Variants in DLGAP2 observed in about 807,000 individuals in gnomAD.
DLGAP2 encodes the protein disks large-associated protein 2.
In DLGAP2, 26 loss-of-function variants were observed where a neutral mutation model predicts 100.3. That is an observed-to-expected ratio of 0.26 (90% CI 0.19 to 0.36). The LOEUF is 0.36. DLGAP2 is among the 10% of genes least tolerant of loss of function. DLGAP2 has a pLI of 1.00. For synonymous variants in DLGAP2, 886 were observed against 630.1 expected, an observed-to-expected ratio of 1.41 and a Z score of -6.08; for missense variants, 1,858 against 1,453.2, an observed-to-expected ratio of 1.28 and a Z score of -4.53.
intron 3 of DLGAP2, among the ~76,000 whole-genome samples, chr8:1,362,335 A>C (rs1178702822): frequency 6.6e-6 from 1 of 151,962 alleles, no homozygotes; most frequent in Admixed American, 6.5e-5. Context: ...AGGTCCTGCC[A>C]CTTACAGCTC....
At chr8:1,302,165 T>A (rs1409636646) in intron 3 of DLGAP2, 1 of 152,060 alleles carries the variant, frequency 6.6e-6, no homozygotes, top group Non-Finnish European at 1.5e-5. Context: ...TTCTGTGAGT[T>A]CCCGAGCTCT....
chr8:922,423 T>C (rs1004589748), intron 2 of DLGAP2, among the ~76,000 whole-genome samples: 7 of 152,202 alleles, frequency 4.6e-5, no homozygotes, highest in African/African-American at 1.7e-4. Context: ...GCCCCCAAAA[T>C]TTAAAAGTAA....
chr8:868,443 A>G (rs918151483), intron 1 of DLGAP2, among the ~76,000 whole-genome samples: 9 of 152,220 alleles, frequency 5.9e-5, no homozygotes, highest in African/African-American at 1.9e-4. Context: ...TCACAGAAAC[A>G]TCTCGCTGTG....
At chr8:1,011,380 CAGTG>C in intron 2 of DLGAP2, among the ~76,000 whole-genome samples, 1 of 147,574 alleles carries the variant, frequency 6.8e-6, no homozygotes, top group South Asian at 2.2e-4. Flanking sequence ...TCAGTCTACA[CAGTG>C]AGCCCTAGAA....
chr8:1,196,182 T>A (rs892779501), intron 2 of DLGAP2, among the ~76,000 whole-genome samples: 2 of 152,258 alleles, frequency 1.3e-5, no homozygotes, highest in African/African-American at 4.8e-5. Flanking sequence ...GACCCTACTT[T>A]CATGTTATGT....
At chr8:1,044,613 A>G (rs915756564) in intron 2 of DLGAP2, among the ~76,000 whole-genome samples, 1 of 152,212 alleles carries the variant, frequency 6.6e-6, no homozygotes, top group Non-Finnish European at 1.5e-5. Flanking sequence ...TTTCTCCCGC[A>G]TGTATCCCAG....
chr8:1,362,993 C>T (rs886886937), intron 3 of DLGAP2, among the ~76,000 whole-genome samples: 1 of 152,196 alleles, frequency 6.6e-6, no homozygotes, highest in African/African-American at 2.4e-5. Flanking sequence ...TGGAGGAAGC[C>T]ACATCTCAGC....
At chr8:1,252,832 G>A (rs12676186) in intron 2 of DLGAP2, among the ~76,000 whole-genome samples, 103,975 of 152,168 alleles carry the variant, frequency 0.68, 36,336 homozygotes, top group Middle Eastern at 0.77. Context: ...GGATCCTGCC[G>A]TGTGCTCGGA....
chr8:892,081 T>G (rs1326746495), intron 1 of DLGAP2, among the ~76,000 whole-genome samples: 1 of 152,156 alleles, frequency 6.6e-6, no homozygotes, highest in African/African-American at 2.4e-5. Context: ...GTGGAGGAAT[T>G]GGGTCCTGGG....
intron 3 of DLGAP2, chr8:1,262,674 C>T (rs984128110): frequency 2.6e-5 from 4 of 152,174 alleles, no homozygotes; most frequent in East Asian, 1.9e-4. Context: ...TAGATAAAGG[C>T]AGTAACCAGT....
chr8:1,027,970 T>C (rs533082857), intron 2 of DLGAP2, among the ~76,000 whole-genome samples: 1,018 of 61,318 alleles, frequency 0.017, no homozygotes, highest in African/African-American at 0.017. Flanking sequence ...CGTTATTCTC[T>C]AGGTGGGGTG....
Position 847,894 on chromosome 8 carries a change from C to T in DLGAP2, c.19-60018C>T, listed in dbSNP as rs77723125. Among the ~76,000 whole-genome samples the T allele has an allele frequency of 2.9e-4, 44 of 152,112 alleles. 1 individual carries two copies. The highest frequency in any genetic ancestry group is 6.8e-3 in the Middle Eastern group (2 of 294). On this transcript the variant is annotated intron_variant, in intron 1 of 14. Coordinates refer to ENST00000637795, the MANE Select transcript of DLGAP2 (RefSeq NM_001346810.2). ...TTTTTCCCCTTTACTTTCTTCTGTTCGGTGGTTCTTATTTTGACTTTTAGC... is the reference window on the plus strand; with the variant it reads ...TTTTTCCCCTTTACTTTCTTCTGTTTGGTGGTTCTTATTTTGACTTTTAGC...
intron 2 of DLGAP2, among the ~76,000 whole-genome samples, chr8:1,161,055 AT>A (rs1464234758): frequency 1.3e-5 from 2 of 152,266 alleles, no homozygotes; most frequent in African/African-American, 4.8e-5. Context: ...TACTTAAAAA[AT>A]TGATAAGACA....
At chr8:1,591,334 G>T (rs868575937) in intron 6 of DLGAP2, among the ~76,000 whole-genome samples, 2 of 152,162 alleles carry the variant, frequency 1.3e-5, no homozygotes, top group Admixed American at 6.5e-5. Context: ...TGGGCCAGGT[G>T]GGAAGGAGGA....
At chr8:1,383,539 G>A (rs980702082) in intron 3 of DLGAP2, among the ~76,000 whole-genome samples, 9 of 152,146 alleles carry the variant, frequency 5.9e-5, no homozygotes, top group African/African-American at 2.4e-5. Flanking sequence ...AGTTGGCGAC[G>A]TTACCGGTCT....
At chr8:929,116 T>C (rs1349754864) in intron 2 of DLGAP2, among the ~76,000 whole-genome samples, 2 of 10,994 alleles carry the variant, frequency 1.8e-4, no homozygotes, top group African/African-American at 8.8e-4. Flanking sequence ...ATTCCCCCTC[T>C]AAACATCCCA....
chr8:968,271 C>T (rs111682641), intron 2 of DLGAP2, among the ~76,000 whole-genome samples: 1 of 152,180 alleles, frequency 6.6e-6, no homozygotes, highest in Non-Finnish European at 1.5e-5. Flanking sequence ...CCCAACCCCC[C>T]AGCTGGTGCT....
At chr8:747,067 C>T (rs1820634103) in intron 1 of DLGAP2, among the ~76,000 whole-genome samples, 1 of 151,936 alleles carries the variant, frequency 6.6e-6, no homozygotes. Context: ...TTTACTCGCC[C>T]TCCTGGCCTG....
At chr8:1,121,086 G>T (rs1211928632) in intron 2 of DLGAP2, among the ~76,000 whole-genome samples, 1 of 147,652 alleles carries the variant, frequency 6.8e-6, no homozygotes, top group African/African-American at 2.5e-5. Context: ...TAGAACCCCT[G>T]ATCACCCATC....
Sources: allele counts gnomAD v4.1 joint callset (sites outside exome capture counted in the v4.1 genomes callset), GRCh38; gene constraint gnomAD v4.1.1; transcripts MANE v1.5; gene names NCBI Gene and HGNC (gene_info 2026-07-23, HGNC 2026-07-21).